NNMT: variants seen among roughly 807,000 people sequenced by gnomAD.
NNMT encodes the protein nicotinamide N-methyltransferase.
A neutral mutation model predicts 11.7 loss-of-function variants in NNMT; 10 were observed. That is an observed-to-expected ratio of 0.85 (90% CI 0.53 to 1.45). The LOEUF is 1.45. Ranked by LOEUF, NNMT falls within the 40% of genes most tolerant of loss-of-function variation. The probability of loss-of-function intolerance (pLI) is 0.00; values close to 1 mark genes in which losing one functional copy is unlikely to be tolerated. For missense variants in NNMT, 381 were observed against 319.4 expected (o/e 1.19, Z -1.47); for synonymous variants, 143 against 133.8 (o/e 1.07, Z -0.48).
chr11:114,285,170 C>T (rs1047158478), intron 2 of NNMT, among the ~76,000 whole-genome samples: 1 of 152,096 alleles, frequency 6.6e-6, no homozygotes, highest in Non-Finnish European at 1.5e-5. Context: ...TTTCTGTAAC[C>T]TGAACAATGG....
intron 2 of NNMT, among the ~76,000 whole-genome samples, chr11:114,279,786 G>A (rs766753480): frequency 2.6e-5 from 4 of 152,156 alleles, no homozygotes; most frequent in Non-Finnish European, 4.4e-5. Flanking sequence ...TTTTGCCCTC[G>A]CTGGGCTTGC....
chr11:114,260,651 A>C (rs1246249911), intron 1 of NNMT, among the ~76,000 whole-genome samples: 1 of 152,178 alleles, frequency 6.6e-6, no homozygotes, highest in African/African-American at 2.4e-5. Flanking sequence ...GAGTGCCCTC[A>C]AATCCCCTGA....
rs545495716 is a variant in NNMT at position 114,305,967 on chromosome 11, A to C, written c.363-6078A>C. 4.2e-3 allele frequency among the ~76,000 whole-genome samples: 640 copies of C among 152,114 alleles called. 7 individuals carry two copies. Among genetic ancestry groups the C allele is most frequent in the African/African-American group, 0.014 (600 of 41,484 alleles). On this transcript the variant is annotated intron_variant, in intron 2 of 2. Transcript: ENST00000299964. ...TGAACTAGTTTACAGTCCCACCAAC[A>C]ATGTAAAAGTGTTCCTATTTCTCCA...
upstream of NNMT, among the ~76,000 whole-genome samples, chr11:114,295,591 A>T (rs1182508079): frequency 6.6e-6 from 1 of 150,810 alleles, no homozygotes; most frequent in Non-Finnish European, 1.5e-5. Flanking sequence ...AGCCCAGCTA[A>T]TTTTTTGTAT....
chr11:114,285,319 G>A (rs1353616758), intron 2 of NNMT, among the ~76,000 whole-genome samples: 1 of 152,184 alleles, frequency 6.6e-6, no homozygotes, highest in African/African-American at 2.4e-5. Context: ...CACACTGTGA[G>A]AACCAGGCAG....
intron 1 of NNMT, among the ~76,000 whole-genome samples, chr11:114,262,634 C>T (rs1945092318): frequency 6.6e-6 from 1 of 152,154 alleles, no homozygotes; most frequent in East Asian, 1.9e-4. Flanking sequence ...CTCTCCTTGC[C>T]TCTGTGCGCT....
At chr11:114,298,421 C>T (rs1236815156) in intron 2 of NNMT, 1 of 422,204 alleles carries the variant, frequency 2.4e-6, no homozygotes, top group Non-Finnish European at 4.4e-6. Context: ...GAGTAAACCC[C>T]CAAATTTTCC....
At chr11:114,294,339 G>A (rs564617089), upstream of NNMT, among the ~76,000 whole-genome samples, 11 of 152,090 alleles carry the variant, frequency 7.2e-5, no homozygotes, top group Non-Finnish European at 1.0e-4. Flanking sequence ...TTAGCTGGGC[G>A]TGATGGTGTG....
rs1488594108 is a variant in NNMT, at chr11:114,313,534, A to G, written c.*1057A>G. ...TAAAATAAAGTGAATTGTTACATGT[A>G]AAGGACCTAGAATATTGCATGGTGC... is the stretch of plus-strand genomic sequence containing the variant. On this transcript the variant is annotated 3_prime_UTR_variant, in exon 3 of 3. Transcript: ENST00000299964. Among the ~76,000 whole-genome samples the G allele has an allele frequency of 6.6e-6, 1 of 152,200 alleles. No homozygotes were observed. The highest frequency in any genetic ancestry group is 1.5e-5 in the Non-Finnish European group (1 of 68,024).
At chr11:114,268,452 A>ATGGG (rs1565718791) in intron 2 of NNMT, among the ~76,000 whole-genome samples, 25 of 152,166 alleles carry the variant, frequency 1.6e-4, no homozygotes, top group Admixed American at 1.0e-3. Context: ...CCAGCCATGC[A>ATGGG]ACCAAGCTTA....
At chr11:114,274,822 T>G (rs1422767056) in intron 2 of NNMT, among the ~76,000 whole-genome samples, 1 of 152,196 alleles carries the variant, frequency 6.6e-6, no homozygotes, top group African/African-American at 2.4e-5. Context: ...GACTGGTCAG[T>G]GTTCCTGTTG....
intron 2 of NNMT, among the ~76,000 whole-genome samples, chr11:114,273,786 G>A (rs1945190985): frequency 6.6e-6 from 1 of 152,144 alleles, no homozygotes; most frequent in South Asian, 2.1e-4. Flanking sequence ...GTTGCAGTGA[G>A]CTGAGATCGC....
intron 2 of NNMT, among the ~76,000 whole-genome samples, chr11:114,306,693 GT>G (rs1173586708): frequency 6.6e-6 from 1 of 152,122 alleles, no homozygotes; most frequent in African/African-American, 2.4e-5. Flanking sequence ...GCTCTGTTCT[GT>G]TCCATTGTTC....
intron 2 of NNMT, among the ~76,000 whole-genome samples, chr11:114,307,471 CT>C (rs1350794837): frequency 6.6e-6 from 1 of 151,696 alleles, no homozygotes; most frequent in Non-Finnish European, 1.5e-5. Flanking sequence ...TCAGCTACCC[CT>C]GTCTCCCTCC....
chr11:114,267,258 C>T (rs956740723), intron 2 of NNMT, among the ~76,000 whole-genome samples: 2 of 152,190 alleles, frequency 1.3e-5, no homozygotes, highest in African/African-American at 4.8e-5. Context: ...GAGCGAGACT[C>T]CATCTCAAAT....
chr11:114,284,149 C>T (rs1334374418), intron 2 of NNMT, among the ~76,000 whole-genome samples: 1 of 152,208 alleles, frequency 6.6e-6, no homozygotes, highest in Admixed American at 6.5e-5. Flanking sequence ...CTCAGGTTTT[C>T]AGCTTTTGCC....
intron 1 of NNMT, among the ~76,000 whole-genome samples, chr11:114,260,257 C>T (rs991486382): frequency 2.6e-5 from 4 of 152,164 alleles, no homozygotes; most frequent in South Asian, 4.2e-4. Flanking sequence ...CGGAGATGGC[C>T]GCCCCACTTG....
At chr11:114,310,297 C>T (rs752957172) in intron 2 of NNMT, among the ~76,000 whole-genome samples, 1 of 152,078 alleles carries the variant, frequency 6.6e-6, no homozygotes, top group Non-Finnish European at 1.5e-5. Context: ...TTATTATAGC[C>T]GTCATAGTGA....
At chr11:114,310,250 G>A (rs1424180047) in intron 2 of NNMT, among the ~76,000 whole-genome samples, 1 of 152,174 alleles carries the variant, frequency 6.6e-6, no homozygotes, top group Admixed American at 6.5e-5. Context: ...TCCAGTTTCT[G>A]CAAATCCTTG....
Sources: gnomAD v4.1 joint callset for allele counts (sites outside exome capture counted in the v4.1 genomes callset) on GRCh38, gnomAD v4.1.1 for gene constraint, MANE v1.5 for transcripts, NCBI Gene and HGNC (gene_info 2026-07-23, HGNC 2026-07-21) for gene names.